Variants in FRY observed in about 807,000 individuals in gnomAD.
FRY encodes the protein FRY microtubule binding protein.
In FRY, 128 loss-of-function variants were observed where a neutral mutation model predicts 348.4. The ratio of observed to expected loss-of-function variants is 0.37; its 90% CI spans 0.32 to 0.43. FRY has a LOEUF of 0.43. Ranked by LOEUF, FRY falls within the 20% of genes least tolerant of loss-of-function variation. FRY has a pLI of 1.00. For missense variants in FRY, 2,736 were observed against 3,695.2 expected (o/e 0.74, Z 6.73); for synonymous variants, 1,370 against 1,374.7 (o/e 1.00, Z 0.08).
chr13:32,150,771 C>T (rs930856919), intron 14 of FRY, among the ~76,000 whole-genome samples: 1 of 152,154 alleles, frequency 6.6e-6, no homozygotes, highest in African/African-American at 2.4e-5. Flanking sequence ...AGGAAGGGGG[C>T]CTGGAGGCTG....
At chr13:32,274,703 C>CAAAA (rs397723164) in intron 55 of FRY, 139 bp from the exon 56 acceptor site, 178 of 306,626 alleles carry the variant, frequency 5.8e-4, no homozygotes, top group Non-Finnish European at 7.2e-4. Flanking sequence ...GATTCTGTCT[C>CAAAA]AAAAAAAAAA....
At chr13:32,283,793 C>T (rs1266503040) in intron 58 of FRY, among the ~76,000 whole-genome samples, 1 of 152,214 alleles carries the variant, frequency 6.6e-6, no homozygotes, top group Non-Finnish European at 1.5e-5. Flanking sequence ...GAACACTTTA[C>T]TCATTTGCGG....
chr13:32,051,296 G>T (rs892518103), intron 1 of FRY, among the ~76,000 whole-genome samples: 1 of 152,156 alleles, frequency 6.6e-6, no homozygotes, highest in Non-Finnish European at 1.5e-5. Flanking sequence ...TGAGGGAAAA[G>T]ACATGTCAAG....
chr13:32,224,101 A>AG, intron 36 of FRY, 134 bp from the exon 37 acceptor site: 1 of 898,566 alleles, frequency 1.1e-6, no homozygotes, highest in Non-Finnish European at 1.8e-6. Context: ...CTGTCCCTAA[A>AG]AAAAATTTAA....
chr13:32,196,463 A>G (rs1883682452), intron 29 of FRY, among the ~76,000 whole-genome samples: 1 of 152,146 alleles, frequency 6.6e-6, no homozygotes, highest in African/African-American at 2.4e-5. Context: ...AGGATTTGCC[A>G]TTTTTGCATA....
At chr13:32,077,316 AAC>A (rs1443029036) in intron 1 of FRY, among the ~76,000 whole-genome samples, 1 of 152,218 alleles carries the variant, frequency 6.6e-6, no homozygotes, top group East Asian at 1.9e-4. Context: ...TGATATGGAA[AAC>A]AGATGAAATA....
At chr13:32,246,377 G>A (rs1031493253) in intron 47 of FRY, among the ~76,000 whole-genome samples, 6 of 152,312 alleles carry the variant, frequency 3.9e-5, no homozygotes, top group African/African-American at 1.4e-4. Flanking sequence ...TCAGAGAAAC[G>A]AAGATGGTAA....
At chr13:32,233,206 T>A (rs977237068) in intron 41 of FRY, among the ~76,000 whole-genome samples, 5 of 152,156 alleles carry the variant, frequency 3.3e-5, no homozygotes, top group Non-Finnish European at 5.9e-5. Context: ...ATAATCTATT[T>A]GTCCCTAGGG....
intron 48 of FRY, among the ~76,000 whole-genome samples, chr13:32,248,867 G>T (rs1450152187): frequency 6.6e-6 from 1 of 152,188 alleles, no homozygotes; most frequent in African/African-American, 2.4e-5. Flanking sequence ...CAGAGACCCA[G>T]AACTGCCCCA....
At chr13:32,144,216 C>CA (rs1880261715) in intron 11 of FRY, among the ~76,000 whole-genome samples, 1 of 144,264 alleles carries the variant, frequency 6.9e-6, no homozygotes, top group Non-Finnish European at 1.5e-5. Context: ...AAAACCAAAA[C>CA]AAACAAAAAA....
chr13:32,129,393 A>G (rs1308972074), intron 7 of FRY, among the ~76,000 whole-genome samples: 1 of 152,214 alleles, frequency 6.6e-6, no homozygotes, highest in African/African-American at 2.4e-5. Context: ...ATTTTTGTAA[A>G]TTTAATAAAG....
intron 11 of FRY, among the ~76,000 whole-genome samples, chr13:32,141,349 G>A (rs1880059253): frequency 6.6e-6 from 1 of 152,136 alleles, no homozygotes; most frequent in African/African-American, 2.4e-5. Context: ...AAAAAGAAAT[G>A]TCAAAAAGAT....
intron 48 of FRY, 109 bp downstream of exon 48, chr13:32,247,611 A>C (rs1566166307): frequency 1.1e-6 from 1 of 910,974 alleles, no homozygotes; most frequent in Non-Finnish European, 1.8e-6. Context: ...GTTATTTCAA[A>C]TGAAGATTTC....
chr13:32,245,504 C>G (rs922359330), intron 47 of FRY, among the ~76,000 whole-genome samples: 1 of 152,022 alleles, frequency 6.6e-6, no homozygotes, highest in African/African-American at 2.4e-5. Flanking sequence ...GTCCCAGCTA[C>G]TTAGGAGGCT....
At position 32,241,512 on chromosome 13, in the gene FRY, G is replaced by T. The variant is rs182150121; in HGVS notation, c.6687+1631G>T. 1.2e-3 allele frequency among the ~76,000 whole-genome samples: 179 copies of T among 152,322 alleles called. 2 individuals carry two copies. The highest frequency in any genetic ancestry group is 4.1e-3 in the African/African-American group (172 of 41,564). On this transcript the variant is annotated intron_variant, in intron 46 of 60. Transcript: ENST00000542859. Reference sequence around the variant, plus strand: ...GGAACTCAGGGCAGTTCGTAGTGGAGAATTATTATTTTGTGGGTACAGAAT... The same window carrying T: ...GGAACTCAGGGCAGTTCGTAGTGGATAATTATTATTTTGTGGGTACAGAAT...
Position 32,142,457 on chromosome 13 carries a change from A to G in FRY, c.1180-4825A>G, listed in dbSNP as rs60553012. Among the ~76,000 whole-genome samples the G allele has an allele frequency of 4.2e-3, 644 of 152,332 alleles. 4 individuals carry two copies. Among genetic ancestry groups the G allele is most frequent in the African/African-American group, 0.015 (614 of 41,570 alleles). On this transcript the variant is annotated intron_variant, in intron 11 of 60. Coordinates refer to ENST00000542859, the MANE Select transcript of FRY (RefSeq NM_023037.3). ...TACATACATTCCAATTTCTGAGAAAACAATACTTATTAGAGCCTAAGTCAA... is the reference window on the plus strand; with the variant it reads ...TACATACATTCCAATTTCTGAGAAAGCAATACTTATTAGAGCCTAAGTCAA...
chr13:32,221,084 G>A (rs964561050), intron 36 of FRY, among the ~76,000 whole-genome samples: 1 of 152,158 alleles, frequency 6.6e-6, no homozygotes, highest in African/African-American at 2.4e-5. Context: ...GGGAAGTCCT[G>A]ACCTTTTCCA....
intron 8 of FRY, among the ~76,000 whole-genome samples, chr13:32,133,991 G>A (rs529130151): frequency 1.3e-5 from 2 of 151,990 alleles, no homozygotes; most frequent in Non-Finnish European, 2.9e-5. Context: ...TGTCACCCAG[G>A]CTGGTCTGGA....
At chr13:32,290,322 G>T (rs1353846091) in intron 59 of FRY, among the ~76,000 whole-genome samples, 1 of 152,100 alleles carries the variant, frequency 6.6e-6, no homozygotes, top group African/African-American at 2.4e-5. Flanking sequence ...GCTGTATAGT[G>T]GATACTATAG....
Sources: gnomAD v4.1 joint callset for allele counts (sites outside exome capture counted in the v4.1 genomes callset) on GRCh38, gnomAD v4.1.1 for gene constraint, MANE v1.5 for transcripts, NCBI Gene and HGNC (gene_info 2026-07-23, HGNC 2026-07-21) for gene names.